The following PIEZO1 variants were observed in gnomAD, a reference collection of about 807,000 sequenced individuals.
The protein encoded by PIEZO1 is piezo type mechanosensitive ion channel component 1 (Er blood group).
A neutral mutation model predicts 297.2 loss-of-function variants in PIEZO1; 296 were observed. The observed-to-expected ratio is 1.00, with a 90% CI of 0.91 to 1.10. The LOEUF (loss-of-function observed/expected upper bound fraction) is 1.10. Among genes scored for constraint, PIEZO1 ranks in the 50% least tolerant of loss-of-function variants. PIEZO1 has a pLI of 0.00. For missense variants in PIEZO1, 5,018 were observed against 3,455.5 expected (o/e 1.45, Z -11.34); for synonymous variants, 2,427 against 1,507.5 (o/e 1.61, Z -14.13).
chr16:88,762,069 G>A (rs1474085358), intron 1 of PIEZO1, among the ~76,000 whole-genome samples: 1 of 152,222 alleles, frequency 6.6e-6, no homozygotes, highest in Non-Finnish European at 1.5e-5. Flanking sequence ...GTGGGGGACA[G>A]TGGGTAGAGG....
Position 88,717,178 on chromosome 16 carries a change from T to C in PIEZO1, c.6505A>G (p.Lys2169Glu). Residue 2169 changes from lysine (K) to glutamate (E), a missense_variant, in exon 45 of 51, where the codon AAG (lysine) becomes GAG (glutamate). Physicochemically the swap from Lys to Glu is moderately conservative, Grantham distance 56 (BLOSUM62 1). Coordinates refer to ENST00000301015, the MANE Select transcript of PIEZO1 (RefSeq NM_001142864.4). ...YPQPKGQKKK[K>E]IVKYGMGGLI... ...CCACCCATGCCGTACTTGACGATCT[T>C]CTTCTTCTTCTGCCCTTTGGGCTGC... The C allele has an allele frequency of 6.5e-7, 1 of 1,550,112 alleles. No individual in the cohort carries two copies. The highest frequency in any genetic ancestry group is 8.7e-7 in the Non-Finnish European group (1 of 1,146,896).
intron 24 of PIEZO1, 34 bp from the exon 25 acceptor site, chr16:88,726,992 G>T (rs1904491621): frequency 1.9e-6 from 3 of 1,548,998 alleles, no homozygotes. Context: ...GGGCGCCCCG[G>T]CCACCCCTCC....
Position 88,727,128 on chromosome 16 carries a change from C to T in PIEZO1, c.3366G>A (p.Glu1122=), listed in dbSNP as rs1904505172. Residue 1122 remains glutamate (E), a synonymous_variant, in exon 24 of 51, where the codon GAG becomes GAA. Transcript: ENST00000301015. The part of the protein sequence containing the change: ...QWQVFSAERT[E]EWQRMAGVNT... ...TGACGCCAGCCATGCGCTGCCACTC[C>T]TCTGTGCGCTCAGCTGAGAACACCT... The T allele has an allele frequency of 1.3e-6, 2 of 1,549,850 alleles. No homozygotes were observed. The highest frequency in any genetic ancestry group is 1.2e-5 in the South Asian group (1 of 84,050).
chr16:88,729,395 C>T (rs1219307554), intron 22 of PIEZO1, among the ~76,000 whole-genome samples: 8 of 65,026 alleles, frequency 1.2e-4, no homozygotes, highest in Non-Finnish European at 1.7e-4. Flanking sequence ...GAGGGAACCT[C>T]GCGACCCAAA....
intron 1 of PIEZO1, among the ~76,000 whole-genome samples, chr16:88,779,388 G>T (rs752714025): frequency 6.6e-6 from 1 of 152,148 alleles, no homozygotes; most frequent in Non-Finnish European, 1.5e-5. Flanking sequence ...TCCTGGCACT[G>T]ATCGCACTTT....
chr16:88,723,068 C>T, intron 33 of PIEZO1, 27 bp downstream of exon 33: 1 of 1,545,728 alleles, frequency 6.5e-7, no homozygotes, highest in Non-Finnish European at 8.7e-7. Context: ...GAGAGACCTC[C>T]CACTCCCCAG....
At chr16:88,720,001 G>T (rs1463274349) in intron 42 of PIEZO1, 41 bp from the exon 43 acceptor site, 2 of 1,548,908 alleles carry the variant, frequency 1.3e-6, no homozygotes, top group Non-Finnish European at 1.7e-6. Flanking sequence ...ATCAGAAACA[G>T]CCCCGCAGGG....
At position 88,732,599 on chromosome 16, in the gene PIEZO1, C is replaced by T. The variant is rs1567670823; in HGVS notation, c.2790+8G>A. 1 of 1,547,430 alleles carries T rather than the reference C, an allele frequency of 6.5e-7. No homozygotes were observed. Among genetic ancestry groups the T allele is most frequent in the South Asian group, 1.2e-5 (1 of 83,886 alleles). ...CCCGCCCAGCCGCCCACCAGCCCTT[C>T]AACTCACCTGGATGTAGCCCAGGTT... On this transcript the variant is annotated splice_region_variant and intron_variant, in intron 20 of 50. Transcript: ENST00000301015.
intron 31 of PIEZO1, among the ~76,000 whole-genome samples, chr16:88,723,633 A>T (rs1171797915): frequency 6.6e-6 from 1 of 152,258 alleles, no homozygotes; most frequent in Non-Finnish European, 1.5e-5. Context: ...ACGGGCAGCC[A>T]CCAGAACCTG....
In PIEZO1 at chr16:88,722,074, G is replaced by A. The variant is rs1475733455; in HGVS notation, c.4956-8C>T. 2 of 1,541,998 alleles carry A rather than the reference G, an allele frequency of 1.3e-6. No homozygotes were observed. The highest frequency in any genetic ancestry group is 1.7e-6 in the Non-Finnish European group (2 of 1,143,362). On this transcript the variant is annotated splice_region_variant and splice_polypyrimidine_tract_variant and intron_variant, in intron 36 of 50. Transcript: ENST00000301015. ...TCTGGGATGCGCAGGCGCCTACAGG[G>A]AGACCCGCGTGTTTGGGGGAGTCTG...
intron 1 of PIEZO1, among the ~76,000 whole-genome samples, chr16:88,772,326 G>C (rs895096118): frequency 1.3e-5 from 2 of 152,242 alleles, no homozygotes; most frequent in East Asian, 1.9e-4. Flanking sequence ...CAGGTAAGCA[G>C]GCTCTTGTGG....
At chr16:88,745,901 G>T (rs11642389) in intron 2 of PIEZO1, among the ~76,000 whole-genome samples, 81,761 of 152,000 alleles carry the variant, frequency 0.54, 22,713 homozygotes, top group Non-Finnish European at 0.62. Flanking sequence ...CTTGGACCCC[G>T]GCACGGCCTG....
chr16:88,768,581 C>T (rs1567693039), intron 1 of PIEZO1, among the ~76,000 whole-genome samples: 1 of 152,224 alleles, frequency 6.6e-6, no homozygotes, highest in Non-Finnish European at 1.5e-5. Flanking sequence ...GTGGCCCTGA[C>T]AAGCAGGTTG....
chr16:88,734,883 G>A lies in PIEZO1; in HGVS notation c.1840C>T (p.Leu614Phe), dbSNP rs1343885714. 1 of 1,550,366 alleles carries A rather than the reference G, an allele frequency of 6.5e-7. No individual in the cohort carries two copies. The highest frequency in any genetic ancestry group is 2.0e-5 in the Admixed American group (1 of 51,016). Residue 614 changes from leucine to phenylalanine, a missense_variant, in exon 14 of 51, where the codon CTC becomes TTC. Coordinates refer to ENST00000301015, the MANE Select transcript of PIEZO1 (RefSeq NM_001142864.4). ...CCCGGCCCCCCAGCCACCTGGAAGA[G>A]GGTGAGGCAGAGCAGGAAGAGGAAC... ...YMFLFLLCLT[L>F]FQVYYSLWRK...
In PIEZO1 at chr16:88,731,843, C is replaced by G. The variant is rs1474673657; in HGVS notation, c.3059G>C (p.Cys1020Ser). 2 of 1,239,400 alleles carry G rather than the reference C, an allele frequency of 1.6e-6. No individual in the cohort carries two copies. Among genetic ancestry groups the G allele is most frequent in the Non-Finnish European group, 2.1e-6 (2 of 963,686 alleles). 76.8% of individuals were successfully genotyped at this position (1,239,400 alleles called of 1,614,324 possible). A position where few individuals can be genotyped will look rare whatever the true frequency, so the allele number is the denominator to read the frequency against. Residue 1020 changes from cysteine to serine, a missense_variant, in exon 22 of 51, where the codon TGC becomes TCC. Physicochemically the swap from Cys to Ser is moderately radical, Grantham distance 112 (BLOSUM62 -1). Transcript: ENST00000301015. ...GCGGGTGAGGATGGCCACCAGCCAGCAACCGTGCAGGGTCACCAGAAAGTT... is the reference window on the plus strand; with the variant it reads ...GCGGGTGAGGATGGCCACCAGCCAGGAACCGTGCAGGGTCACCAGAAAGTT... The part of the protein sequence containing the change: ...RMNFLVTLHG[C>S]WLVAILTRRH...
Position 88,741,609 on chromosome 16 carries a change from G to A in PIEZO1, c.334C>T (p.Leu112=), listed in dbSNP as rs938373330. The change falls in exon 5 of 51, where the codon CTG becomes TTG. Residue 112 remains leucine, a synonymous_variant. Transcript: ENST00000301015. ...SRHIGVTRLD[L]KDIPNAIRLV... Reference sequence around the variant, plus strand: ...CGGATGGCGTTGGGGATGTCCTTCAGGTCCAGCCTGCGGAGAGCAGGGAGC... The same window carrying A: ...CGGATGGCGTTGGGGATGTCCTTCAAGTCCAGCCTGCGGAGAGCAGGGAGC... The A allele has an allele frequency of 1.3e-6, 2 of 1,535,086 alleles. No homozygotes were observed. Among genetic ancestry groups the A allele is most frequent in the East Asian group, 2.4e-5 (1 of 40,914 alleles).
intron 1 of PIEZO1, among the ~76,000 whole-genome samples, chr16:88,754,116 G>A (rs996230177): frequency 6.6e-6 from 1 of 152,134 alleles, no homozygotes; most frequent in African/African-American, 2.4e-5. Flanking sequence ...ACCAGCACAC[G>A]CCTGACTATG....
chr16:88,732,057 G>A (rs1029340637), intron 21 of PIEZO1, 147 bp from the exon 22 acceptor site: 2 of 459,042 alleles, frequency 4.4e-6, no homozygotes, highest in African/African-American at 2.1e-5. Context: ...GCGCTGTCAA[G>A]AGGGCAGGAG....
intron 31 of PIEZO1, 99 bp from the exon 32 acceptor site, chr16:88,723,427 G>GGGAGA: frequency 7.3e-7 from 1 of 1,362,400 alleles, no homozygotes; most frequent in Non-Finnish European, 1.0e-6. Context: ...CCAGATCCCT[G>GGGAGA]CTCTGTGTCT....
Sources: allele counts gnomAD v4.1 joint callset (sites outside exome capture counted in the v4.1 genomes callset), GRCh38; gene constraint gnomAD v4.1.1; transcripts MANE v1.5; gene names NCBI Gene and HGNC (gene_info 2026-07-23, HGNC 2026-07-21).